Variants in MARCHF1 observed in about 807,000 individuals in gnomAD.
MARCHF1 encodes the protein membrane associated ring-CH-type finger 1.
A neutral mutation model predicts 54.2 loss-of-function variants in MARCHF1; 40 were observed. The ratio of observed to expected loss-of-function variants is 0.74; its 90% CI spans 0.57 to 0.96. The LOEUF (loss-of-function observed/expected upper bound fraction) is 0.96, where lower values mean the gene tolerates loss of function less well. Ranked by LOEUF, MARCHF1 falls within the 40% of genes least tolerant of loss-of-function variation. The pLI, the probability that MARCHF1 is intolerant of heterozygous loss-of-function variation, is 0.00. For synonymous variants in MARCHF1, 236 were observed against 236.3 expected, an observed-to-expected ratio of 1.00 and a Z score of 0.01; for missense variants, 586 against 656.5, an observed-to-expected ratio of 0.89 and a Z score of 1.17.
intron 1 of MARCHF1, among the ~76,000 whole-genome samples, chr4:164,374,511 A>C (rs1427682423): frequency 3.3e-5 from 5 of 152,100 alleles, no homozygotes; most frequent in Non-Finnish European, 4.4e-5. Flanking sequence ...CATTTTTAAC[A>C]ATTTTTGAAA....
chr4:164,069,058 CA>C (rs1754795856), intron 2 of MARCHF1, among the ~76,000 whole-genome samples: 2 of 152,020 alleles, frequency 1.3e-5, no homozygotes, highest in African/African-American at 2.4e-5. Context: ...GTATCTAGCT[CA>C]AGGTTTGTAA....
intron 8 of MARCHF1, among the ~76,000 whole-genome samples, chr4:163,562,395 C>T (rs1290064570): frequency 1.3e-5 from 2 of 152,210 alleles, no homozygotes; most frequent in East Asian, 3.8e-4. Context: ...TATATTTACT[C>T]TCAGTCCTGT....
chr4:164,361,519 G>A (rs762951341), intron 1 of MARCHF1, among the ~76,000 whole-genome samples: 1 of 151,994 alleles, frequency 6.6e-6, no homozygotes, highest in Non-Finnish European at 1.5e-5. Flanking sequence ...ACAGTTTCCT[G>A]GCCCCCACCT....
intron 3 of MARCHF1, among the ~76,000 whole-genome samples, chr4:163,939,268 C>G (rs1579407834): frequency 6.6e-6 from 1 of 152,128 alleles, no homozygotes; most frequent in East Asian, 1.9e-4. Flanking sequence ...GAGCTGATCC[C>G]ACAACCTCAT....
At chr4:164,285,566 A>T (rs979342991) in intron 1 of MARCHF1, among the ~76,000 whole-genome samples, 2 of 151,758 alleles carry the variant, frequency 1.3e-5, no homozygotes, top group Non-Finnish European at 2.9e-5. Flanking sequence ...CCTCAGCCTC[A>T]CGAGTAGCTA....
intron 2 of MARCHF1, among the ~76,000 whole-genome samples, chr4:164,109,912 T>TAAAAAAAAAAAAAAAAAAAA (rs57433858): frequency 7.9e-5 from 5 of 63,146 alleles, no homozygotes; most frequent in Admixed American, 2.6e-4. Context: ...AAAATAAAAG[T>TAAAAAAAAAAAAAAAAAAAA]AAAAAAAAAA....
chr4:164,169,081 A>AT (rs1196040879), intron 1 of MARCHF1, among the ~76,000 whole-genome samples: 1 of 152,078 alleles, frequency 6.6e-6, no homozygotes, highest in Non-Finnish European at 1.5e-5. Context: ...GGATACGTAG[A>AT]TTTTAGCTGC....
At chr4:164,273,477 A>G (rs1733794384) in intron 1 of MARCHF1, among the ~76,000 whole-genome samples, 1 of 152,188 alleles carries the variant, frequency 6.6e-6, no homozygotes, top group East Asian at 1.9e-4. Context: ...CCATATCAGT[A>G]GGCATGTGTT....
In MARCHF1 at chr4:163,527,752, T is replaced by C. The variant is rs1358876935; in HGVS notation, c.*996A>G. On this transcript the variant is annotated 3_prime_UTR_variant, in exon 10 of 10. Transcript: ENST00000514618. ...TGCTATCCAATATAGTTAATTCAAG[T>C]TGAAGTGTACTTTTAAATTACCAAC... 6.6e-6 allele frequency: 1 copy of C among 151,918 alleles called. No homozygotes were observed. The highest frequency in any genetic ancestry group is 1.5e-5 in the Non-Finnish European group (1 of 67,916). The allele number at this position is 151,918 out of a possible 1,614,324, so 9.4% of individuals were successfully genotyped here.
At chr4:164,184,637 C>T (rs966497836) in intron 1 of MARCHF1, among the ~76,000 whole-genome samples, 1 of 152,168 alleles carries the variant, frequency 6.6e-6, no homozygotes, top group Non-Finnish European at 1.5e-5. Context: ...GAATAATATG[C>T]TTAAACAATA....
At chr4:163,655,951 G>A (rs1743123398) in intron 5 of MARCHF1, among the ~76,000 whole-genome samples, 4 of 151,880 alleles carry the variant, frequency 2.6e-5, no homozygotes, top group Non-Finnish European at 5.9e-5. Context: ...ACATCAGAAA[G>A]CTGGGAAGAT....
chr4:163,537,694 A>G (rs530830266), intron 9 of MARCHF1, among the ~76,000 whole-genome samples: 2 of 152,202 alleles, frequency 1.3e-5, no homozygotes, highest in Non-Finnish European at 2.9e-5. Flanking sequence ...TTGGACAGCA[A>G]TTAAAAGAGC....
intron 2 of MARCHF1, among the ~76,000 whole-genome samples, chr4:164,091,282 C>A (rs1755293184): frequency 6.6e-6 from 1 of 151,786 alleles, no homozygotes; most frequent in African/African-American, 2.4e-5. Context: ...TTCCATAACA[C>A]ATGCACATCA....
intron 4 of MARCHF1, among the ~76,000 whole-genome samples, chr4:163,733,220 T>TATATATAC (rs767728359): frequency 4.0e-4 from 12 of 29,682 alleles, no homozygotes; most frequent in African/African-American, 9.8e-4. Context: ...TATATATATA[T>TATATATAC]ACACGTGTAT....
At chr4:163,688,673 C>T (rs572406640) in intron 5 of MARCHF1, among the ~76,000 whole-genome samples, 9 of 152,056 alleles carry the variant, frequency 5.9e-5, no homozygotes, top group Admixed American at 1.3e-4. Context: ...TTTTCTTGCA[C>T]GGAGTTTTTA....
chr4:163,952,029 G>A (rs1752143181), intron 3 of MARCHF1, among the ~76,000 whole-genome samples: 1 of 152,100 alleles, frequency 6.6e-6, no homozygotes, highest in African/African-American at 2.4e-5. Context: ...ATGTTGAGAA[G>A]TAGTTATTAG....
At chr4:163,978,679 G>C (rs868292760) in intron 3 of MARCHF1, among the ~76,000 whole-genome samples, 7 of 151,982 alleles carry the variant, frequency 4.6e-5, no homozygotes, top group African/African-American at 1.7e-4. Context: ...TAACATATAA[G>C]TGATTCCTGG....
intron 4 of MARCHF1, among the ~76,000 whole-genome samples, chr4:163,745,500 T>C (rs6836815): frequency 0.37 from 55,998 of 151,960 alleles, 10,744 homozygotes; most frequent in Non-Finnish European, 0.42. Context: ...CTGAATGAGG[T>C]CATCATGCTG....
At chr4:163,708,225 A>G (rs72993145) in intron 4 of MARCHF1, among the ~76,000 whole-genome samples, 4,977 of 151,624 alleles carry the variant, frequency 0.033, 228 homozygotes, top group African/African-American at 0.1. Flanking sequence ...TTCCAGTTCT[A>G]TGGGGCCCTC....
Sources: allele counts gnomAD v4.1 joint callset (sites outside exome capture counted in the v4.1 genomes callset), GRCh38; gene constraint gnomAD v4.1.1; transcripts MANE v1.5; gene names NCBI Gene and HGNC (gene_info 2026-07-23, HGNC 2026-07-21).